The following FAM221B variants were observed in gnomAD, a reference collection of about 807,000 sequenced individuals.
FAM221B encodes family with sequence similarity 221 member B.
A neutral mutation model predicts 39.8 loss-of-function variants in FAM221B; 35 were observed. The observed-to-expected ratio is 0.88, with a 90% CI of 0.67 to 1.17. The LOEUF (loss-of-function observed/expected upper bound fraction) is 1.17, where lower values mean the gene tolerates loss of function less well. Ranked by LOEUF, FAM221B falls within the 50% of genes most tolerant of loss-of-function variation. The pLI is 0.00. For synonymous variants in FAM221B, 158 were observed against 178.1 expected, an observed-to-expected ratio of 0.89 and a Z score of 0.90; for missense variants, 479 against 503.1, an observed-to-expected ratio of 0.95 and a Z score of 0.46.
Position 35,828,292 on chromosome 9 carries a change from A to AAAC in FAM221B, c.-1+168_-1+170dup, listed in dbSNP as rs372358720. Among the ~76,000 whole-genome samples, 16,643 of 124,764 alleles carry AAAC rather than the reference A, an allele frequency of 0.13. 1,351 individuals carry two copies. Among genetic ancestry groups the AAAC allele is most frequent in the Non-Finnish European group, 0.15 (8,886 of 59,732 alleles). The allele number at this position is 124,764 out of a possible 152,430, so 81.9% of individuals were successfully genotyped here. ...GGGGGACAGAGCGAGACTCTGTCTC[A>AAAC]AACAACAACAACAACAACAACAACA... On this transcript the variant is annotated intron_variant, in intron 1 of 6. Coordinates refer to ENST00000423537, the MANE Select transcript of FAM221B (RefSeq NM_001012446.4). This position sits in a 1 kb window ranked among gnomAD's most constrained non-coding sequence, Gnocchi z 4.5.
intron 3 of FAM221B, 88 bp from the exon 4 acceptor site, chr9:35,820,088 G>T: frequency 4.4e-6 from 4 of 909,370 alleles, no homozygotes; most frequent in Admixed American, 2.1e-5. Flanking sequence ...AGGTGAGGGG[G>T]TGGGGGGAAC....
intron 6 of FAM221B, 137 bp downstream of exon 6, chr9:35,818,753 G>T (rs954007358): frequency 8.3e-7 from 1 of 1,201,594 alleles, no homozygotes; most frequent in Non-Finnish European, 1.2e-6. Context: ...GTGGGATGCA[G>T]GTAGGTGGGT....
At chr9:35,823,469 C>T (rs1239942406) in intron 3 of FAM221B, among the ~76,000 whole-genome samples, 1 of 152,196 alleles carries the variant, frequency 6.6e-6, no homozygotes, top group African/African-American at 2.4e-5. Flanking sequence ...TTATGGACTA[C>T]CCAGGACTCA....
intron 3 of FAM221B, among the ~76,000 whole-genome samples, chr9:35,822,106 A>G (rs1829164422): frequency 6.6e-6 from 1 of 152,214 alleles, no homozygotes; most frequent in Admixed American, 6.5e-5. Flanking sequence ...CTTCAGACCC[A>G]TATAGCCAGC....
chr9:35,818,861 T>A, intron 6 of FAM221B, 29 bp downstream of exon 6: 7 of 1,550,770 alleles, frequency 4.5e-6, no homozygotes, highest in Non-Finnish European at 6.1e-6. Flanking sequence ...GACCCTGGAA[T>A]GGCCCCCTGT....
chr9:35,818,718 C>G (rs1243887143), intron 6 of FAM221B, among the ~76,000 whole-genome samples, 172 bp downstream of exon 6: 2 of 152,164 alleles, frequency 1.3e-5, no homozygotes, highest in Non-Finnish European at 2.9e-5. Flanking sequence ...ATAGTCTGCT[C>G]CTGGGGGTGA....
At position 35,825,529 on chromosome 9, in the gene FAM221B, A is replaced by G. The variant is rs776450540; in HGVS notation, c.598+35T>C. The G allele has an allele frequency of 3.1e-5, 50 of 1,590,114 alleles. No homozygotes were observed. The highest frequency in any genetic ancestry group is 3.4e-4 in the Middle Eastern group (2 of 5,966). On this transcript the variant is annotated intron_variant, in intron 2 of 6. Coordinates refer to ENST00000423537, the MANE Select transcript of FAM221B (RefSeq NM_001012446.4). The surrounding 1 kb of genome is among the most constrained non-coding windows in gnomAD (Gnocchi z 4.2). ...CAGGACAGGGGAGAGGACAGGTACA[A>G]TTACAGCTAACTCCTTTCTTCTTCT...
Position 35,825,092 on chromosome 9 carries a change from CT to C in FAM221B, c.742+137del. 1.0e-6 allele frequency: 1 copy of C among 999,764 alleles called. No individual in the cohort carries two copies. The highest frequency in any genetic ancestry group is 1.4e-6 in the Non-Finnish European group (1 of 689,688). The allele number at this position is 999,764 out of a possible 1,614,324, so 61.9% of individuals were successfully genotyped here. A position where few individuals can be genotyped will look rare whatever the true frequency, so the allele number is the denominator to read the frequency against. On this transcript the variant is annotated intron_variant, in intron 3 of 6. Transcript: ENST00000423537. The surrounding 1 kb of genome is among the most constrained non-coding windows in gnomAD (Gnocchi z 4.2). Reference sequence around the variant, plus strand: ...CCCTTGTATTCCTTGGCCCACTTGCCTGCTCCTTTTCCAGGCAGGTGGTATA... The same window carrying C: ...CCCTTGTATTCCTTGGCCCACTTGCCGCTCCTTTTCCAGGCAGGTGGTATA...
Position 35,818,416 on chromosome 9 carries a change from A to C in FAM221B, c.*53T>G. 7.9e-6 allele frequency: 12 copies of C among 1,527,448 alleles called. No individual in the cohort carries two copies. Among genetic ancestry groups the C allele is most frequent in the South Asian group, 1.2e-5 (1 of 83,586 alleles). 94.6% of individuals were successfully genotyped at this position (1,527,448 alleles called of 1,614,324 possible). On this transcript the variant is annotated 3_prime_UTR_variant, in exon 7 of 7. Coordinates refer to ENST00000423537, the MANE Select transcript of FAM221B (RefSeq NM_001012446.4). ...GGGCTGGGATCTACCTGCCCCATAT[A>C]GAGCCAAGTCAGGTTCCAATGACTC... is the stretch of plus-strand genomic sequence containing the variant.
chr9:35,823,520 C>T (rs572193788), intron 3 of FAM221B, among the ~76,000 whole-genome samples: 9 of 152,214 alleles, frequency 5.9e-5, no homozygotes, highest in African/African-American at 1.9e-4. Context: ...TATAATTGTT[C>T]GGGGTTGAAT....
chr9:35,822,643 A>C (rs1021679060), intron 3 of FAM221B, among the ~76,000 whole-genome samples: 1 of 152,146 alleles, frequency 6.6e-6, no homozygotes, highest in African/African-American at 2.4e-5. Context: ...TCCTAGCCTC[A>C]GGTGATCCAC....
Position 35,827,373 on chromosome 9 carries a change from A to G in FAM221B, c.-1+1090T>C, listed in dbSNP as rs538160011. On this transcript the variant is annotated intron_variant, in intron 1 of 6. Transcript: ENST00000423537. ...AATCCATTCACCCATTCTTTCATGG[A>G]TTTATGTAACTTATACTTTTACAAT... 7.2e-5 allele frequency among the ~76,000 whole-genome samples: 11 copies of G among 152,192 alleles called. No homozygotes were observed. In the South Asian group the frequency reaches 1.0e-3, roughly 14 times the overall value.
chr9:35,828,668 C>T lies in FAM221B; in HGVS notation c.-206G>A. 1 of 985,486 alleles carries T rather than the reference C, an allele frequency of 1.0e-6. No homozygotes were observed. Among genetic ancestry groups the T allele is most frequent in the Non-Finnish European group, 1.2e-6 (1 of 829,980 alleles). The allele number at this position is 985,486 out of a possible 1,614,324, so 61.0% of individuals were successfully genotyped here. A position where few individuals can be genotyped will look rare whatever the true frequency, so the allele number is the denominator to read the frequency against. ...ATCTGCAGAACTTCGCAAAGGAGCTCTGGCATGACCTGGGGAAGTGGGTAG... is the reference window on the plus strand; with the variant it reads ...ATCTGCAGAACTTCGCAAAGGAGCTTTGGCATGACCTGGGGAAGTGGGTAG... On this transcript the variant is annotated 5_prime_UTR_variant, in exon 1 of 7. Transcript: ENST00000423537. This position sits in a 1 kb window ranked among gnomAD's most constrained non-coding sequence, Gnocchi z 4.5.
In FAM221B at chr9:35,825,580, T is replaced by C. The variant is rs1308379156; in HGVS notation, c.582A>G (p.Gln194=). The C allele has an allele frequency of 6.2e-7, 1 of 1,612,404 alleles. No individual in the cohort carries two copies. Among genetic ancestry groups the C allele is most frequent in the South Asian group, 1.1e-5 (1 of 90,796 alleles). ...TCTTCTTGCCTAGTTGGTGTCCAGGTTGGGCTGTGTGAGCAGTGCTGTCAC... is the reference window on the plus strand; with the variant it reads ...TCTTCTTGCCTAGTTGGTGTCCAGGCTGGGCTGTGTGAGCAGTGCTGTCAC... ...DASDSTAHTA[Q]PGHQLGNTAR... Residue 194 remains glutamine, a synonymous_variant, in exon 2 of 7, where the codon CAA becomes CAG. Transcript: ENST00000423537. This position sits in a 1 kb window ranked among gnomAD's most constrained non-coding sequence, Gnocchi z 4.2.
chr9:35,824,013 A>G (rs1416115109), intron 3 of FAM221B, among the ~76,000 whole-genome samples: 1 of 151,888 alleles, frequency 6.6e-6, no homozygotes, highest in African/African-American at 2.4e-5. Context: ...ATAAGCAAAC[A>G]AAGTTGGTGG....
At position 35,819,295 on chromosome 9, in the gene FAM221B, C is replaced by T. The variant is rs376556477; in HGVS notation, c.953G>A (p.Arg318Gln). 2.6e-4 allele frequency: 396 copies of T among 1,551,704 alleles called. No homozygotes were observed. In the African/African-American group the frequency reaches 4.3e-3, roughly 17 times the overall value. Residue 318 changes from arginine to glutamine, a missense_variant, in exon 5 of 7, where the codon CGG becomes CAG. Transcript: ENST00000423537. ...CCAGGCCTTGGGGTCAAAGGTGGCCCGTCTCTTGAGCCAGAACTCACCCAC... is the reference window on the plus strand; with the variant it reads ...CCAGGCCTTGGGGTCAAAGGTGGCCTGTCTCTTGAGCCAGAACTCACCCAC... ...EEVGEFWLKR[R>Q]ATFDPKAWRA...
Position 35,826,099 on chromosome 9 carries a change from AGG to A in FAM221B, c.61_62del (p.Pro21PhefsTer7). ...AGTCCTCAGCAGAGGGGTCCTTTGA[AGG>A]GGGGTGCTTCTCTGCATCCATGGTG... ...HITMDAEKHP[P>X]SKDPSAEDLQ... On this transcript the variant is annotated frameshift_variant, in exon 2 of 7. Coordinates refer to ENST00000423537, the MANE Select transcript of FAM221B (RefSeq NM_001012446.4). LOFTEE classifies it high-confidence loss of function. The A allele has an allele frequency of 1.2e-6, 2 of 1,612,646 alleles. No individual in the cohort carries two copies. Among genetic ancestry groups the A allele is most frequent in the Non-Finnish European group, 1.7e-6 (2 of 1,179,374 alleles).
At position 35,819,256 on chromosome 9, in the gene FAM221B, C is replaced by T. The variant is rs190893257; in HGVS notation, c.992G>A (p.Arg331His). ...FDPKAWRAQC[R>H]CKHSHEEHAA... ...ATGTTCTTCGTGGCTGTGTTTGCAG[C>T]GACATTGGGCCCTCCAGGCCTTGGG... Residue 331 changes from arginine to histidine, a missense_variant, in exon 5 of 7, where the codon CGC becomes CAC. Arg to His is a conservative substitution (Grantham distance 29). Transcript: ENST00000423537. 22 of 1,551,710 alleles carry T rather than the reference C, an allele frequency of 1.4e-5. No individual in the cohort carries two copies. Among genetic ancestry groups the T allele is most frequent in the East Asian group, 9.8e-5 (4 of 40,922 alleles).
At chr9:35,827,981 G>A (rs1218567698) in intron 1 of FAM221B, among the ~76,000 whole-genome samples, 1 of 152,076 alleles carries the variant, frequency 6.6e-6, no homozygotes, top group South Asian at 2.1e-4. Context: ...GGGTGGAGGA[G>A]GAGAGTAAGG....
Sources: gnomAD v4.1 joint callset for allele counts (sites outside exome capture counted in the v4.1 genomes callset) on GRCh38, gnomAD v4.1.1 for gene constraint, Gnocchi (gnomAD v3.1) non-coding constraint, MANE v1.5 for transcripts, NCBI Gene and HGNC (gene_info 2026-07-23, HGNC 2026-07-21) for gene names.